Variants in DLG2 observed in about 807,000 individuals in gnomAD.
DLG2 encodes the protein disks large homolog 2.
DLG2 carries 45 observed loss-of-function variants against 132.5 expected under a neutral mutation model. That is an observed-to-expected ratio of 0.34 (90% CI 0.27 to 0.44). The LOEUF (loss-of-function observed/expected upper bound fraction) is 0.44. Among genes scored for constraint, DLG2 ranks in the 20% least tolerant of loss-of-function variants. The pLI is 1.00. For synonymous variants in DLG2, 424 were observed against 419.6 expected, an observed-to-expected ratio of 1.01 and a Z score of -0.13; for missense variants, 1,045 against 1,196.9, an observed-to-expected ratio of 0.87 and a Z score of 1.87.
rs912197608 is a variant in DLG2, at chr11:84,203,091, G to C, written c.574-39580C>G. On this transcript the variant is annotated intron_variant, in intron 8 of 27. Transcript: ENST00000376104. The stretch of plus-strand genomic sequence containing the variant: ...AGACCTAGAGGCAAAAATACCATTT[G>C]ACCGAACAATCCCATTACTAGGTAT... Among the ~76,000 whole-genome samples the C allele has an allele frequency of 3.7e-4, 56 of 151,438 alleles. 1 individual carries two copies. Among genetic ancestry groups the C allele is most frequent in the African/African-American group, 1.3e-3 (55 of 41,254 alleles).
chr11:84,546,320 G>A (rs754061573), intron 6 of DLG2, among the ~76,000 whole-genome samples: 4 of 152,148 alleles, frequency 2.6e-5, no homozygotes, highest in Non-Finnish European at 4.4e-5. Context: ...GGCCATGTCA[G>A]TCTGCTTCCT....
chr11:84,998,054 T>C (rs1383941500), intron 6 of DLG2, among the ~76,000 whole-genome samples: 2 of 152,086 alleles, frequency 1.3e-5, no homozygotes, highest in Non-Finnish European at 2.9e-5. Context: ...AATTTTATTA[T>C]TTCTTTTTCT....
chr11:83,931,933 C>T (rs1007295391), intron 14 of DLG2, among the ~76,000 whole-genome samples: 3 of 152,244 alleles, frequency 2.0e-5, no homozygotes, highest in Non-Finnish European at 2.9e-5. Flanking sequence ...TTACTGATAT[C>T]GCAGGTTCAT....
intron 4 of DLG2, among the ~76,000 whole-genome samples, chr11:85,216,587 C>A (rs751879848): frequency 5.3e-5 from 8 of 152,092 alleles, no homozygotes; most frequent in Non-Finnish European, 1.0e-4. Context: ...ATGACATTAG[C>A]ATGTTTGAAA....
At chr11:84,299,314 T>C (rs766638096) in intron 7 of DLG2, among the ~76,000 whole-genome samples, 13 of 152,186 alleles carry the variant, frequency 8.5e-5, no homozygotes, top group Non-Finnish European at 4.4e-5. Context: ...TTGGCAGCAA[T>C]ATTCATAATG....
intron 18 of DLG2, among the ~76,000 whole-genome samples, chr11:83,682,969 T>C (rs1227902105): frequency 6.6e-6 from 1 of 152,080 alleles, no homozygotes; most frequent in Non-Finnish European, 1.5e-5. Flanking sequence ...GGTCTTCTGA[T>C]GGCAAAGTAC....
intron 6 of DLG2, among the ~76,000 whole-genome samples, chr11:85,109,002 A>G (rs2072268329): frequency 6.6e-6 from 1 of 152,062 alleles, no homozygotes; most frequent in African/African-American, 2.4e-5. Flanking sequence ...CATTCATATG[A>G]TTCAAAATTG....
intron 17 of DLG2, chr11:83,790,784 A>T: frequency 1.3e-6 from 1 of 758,642 alleles, no homozygotes; most frequent in Middle Eastern, 2.3e-4. Flanking sequence ...CCTGACTCTC[A>T]TCTTCGGGGA....
intron 6 of DLG2, among the ~76,000 whole-genome samples, chr11:84,981,889 T>C (rs971661824): frequency 2.6e-5 from 4 of 152,144 alleles, no homozygotes; most frequent in Admixed American, 2.6e-4. Flanking sequence ...TCATTAAGTT[T>C]ACCAGTGGCT....
At chr11:85,115,337 AT>A (rs2152335156) in intron 5 of DLG2, among the ~76,000 whole-genome samples, 1 of 152,118 alleles carries the variant, frequency 6.6e-6, no homozygotes, top group African/African-American at 2.4e-5. Flanking sequence ...CCATTCATCC[AT>A]TCATGTAGTT....
At chr11:84,804,019 A>G (rs1164744682) in intron 6 of DLG2, among the ~76,000 whole-genome samples, 1 of 152,246 alleles carries the variant, frequency 6.6e-6, no homozygotes. Flanking sequence ...AACTACTTTT[A>G]AAAATGCATT....
chr11:85,111,210 T>C (rs2072682002), intron 6 of DLG2, among the ~76,000 whole-genome samples: 1 of 152,134 alleles, frequency 6.6e-6, no homozygotes, highest in African/African-American at 2.4e-5. Flanking sequence ...TGGTAGAAGA[T>C]ACTATGCAAA....
At chr11:83,857,280 T>A (rs575392994) in intron 16 of DLG2, among the ~76,000 whole-genome samples, 1 of 152,156 alleles carries the variant, frequency 6.6e-6, no homozygotes, top group Non-Finnish European at 1.5e-5. Context: ...CTTTTGCTTA[T>A]GATTGTTTTG....
chr11:83,718,532 G>GAAAAAAAAAAA (rs57237354), intron 18 of DLG2, among the ~76,000 whole-genome samples: 13 of 106,228 alleles, frequency 1.2e-4, no homozygotes, highest in South Asian at 3.3e-4. Context: ...CTCAAAAAAA[G>GAAAAAAAAAAA]AAAAAAAAAA....
chr11:84,069,756 C>A (rs1409483410), intron 10 of DLG2, among the ~76,000 whole-genome samples: 2 of 152,220 alleles, frequency 1.3e-5, no homozygotes, highest in Non-Finnish European at 2.9e-5. Context: ...GCTATTTCAG[C>A]ATCAGTGATT....
intron 18 of DLG2, among the ~76,000 whole-genome samples, chr11:83,744,992 T>A (rs1315481294): frequency 6.6e-6 from 1 of 152,190 alleles, no homozygotes; most frequent in Non-Finnish European, 1.5e-5. Context: ...AAGCCAGCTG[T>A]CTTCTTAGGA....
In DLG2 at chr11:84,387,228, T is replaced by C. The variant is rs2098774553; in HGVS notation, c.520-135937A>G. Among the ~76,000 whole-genome samples the C allele has an allele frequency of 2.0e-5, 3 of 152,050 alleles. No homozygotes were observed. In the South Asian group the frequency reaches 6.2e-4, roughly 32 times the overall value. On this transcript the variant is annotated intron_variant, in intron 7 of 27. Transcript: ENST00000376104. ...ATTTACCTAGTACCTTCCCCTTGAG[T>C]TGAAGTGGTGATTGACATCTAAATA...
intron 2 of DLG2, among the ~76,000 whole-genome samples, chr11:85,607,674 G>A (rs2080677384): frequency 6.6e-6 from 1 of 152,328 alleles, no homozygotes; most frequent in Non-Finnish European, 1.5e-5. Context: ...CCCCGTCATA[G>A]GGGAGACTAT....
intron 7 of DLG2, among the ~76,000 whole-genome samples, chr11:84,417,345 C>T (rs1345370928): frequency 6.6e-6 from 1 of 152,150 alleles, no homozygotes; most frequent in Non-Finnish European, 1.5e-5. Flanking sequence ...GGTTGAAATG[C>T]AACAAGACAT....
Sources: allele counts gnomAD v4.1 joint callset (sites outside exome capture counted in the v4.1 genomes callset), GRCh38; gene constraint gnomAD v4.1.1; transcripts MANE v1.5; gene names NCBI Gene and HGNC (gene_info 2026-07-23, HGNC 2026-07-21).